SYN3: variants seen among roughly 807,000 people sequenced by gnomAD.
The protein encoded by SYN3 is synapsin-3.
SYN3 carries 35 observed loss-of-function variants against 65.8 expected under a neutral mutation model. That is an observed-to-expected ratio of 0.53 (90% CI 0.41 to 0.70). SYN3 has a LOEUF of 0.70. Ranked by LOEUF, SYN3 falls within the 30% of genes least tolerant of loss-of-function variation. SYN3 has a pLI of 0.00. For synonymous variants in SYN3, 270 were observed against 292.9 expected (o/e 0.92, Z 0.80); for missense variants, 680 against 749.0 (o/e 0.91, Z 1.08).
intron 6 of SYN3, among the ~76,000 whole-genome samples, chr22:32,726,069 T>C (rs1264627658): frequency 7.2e-5 from 11 of 152,182 alleles, no homozygotes; most frequent in Admixed American, 7.2e-4. Flanking sequence ...AGGTGTGCCA[T>C]GTGAGGTCTA....
At chr22:32,649,612 G>A (rs1251757390) in intron 6 of SYN3, among the ~76,000 whole-genome samples, 1 of 152,096 alleles carries the variant, frequency 6.6e-6, no homozygotes, top group Non-Finnish European at 1.5e-5. Flanking sequence ...GTGGGAGGCG[G>A]AACACAACAA....
At chr22:32,526,011 G>C (rs1462680242) in intron 12 of SYN3, among the ~76,000 whole-genome samples, 1 of 152,148 alleles carries the variant, frequency 6.6e-6, no homozygotes, top group East Asian at 1.9e-4. Flanking sequence ...TCAGTATTGA[G>C]GCAAGACCCT....
chr22:33,028,222 C>T (rs1295754304), intron 1 of SYN3, among the ~76,000 whole-genome samples: 1 of 152,214 alleles, frequency 6.6e-6, no homozygotes, highest in African/African-American at 2.4e-5. Context: ...GCTCCAGTCT[C>T]ATCATCAGTG....
At chr22:33,004,449 G>T (rs2053147693) in intron 2 of SYN3, among the ~76,000 whole-genome samples, 1 of 152,246 alleles carries the variant, frequency 6.6e-6, no homozygotes, top group African/African-American at 2.4e-5. Context: ...AGTCAAAGGA[G>T]ATTATTTCAG....
intron 7 of SYN3, among the ~76,000 whole-genome samples, chr22:32,594,873 G>C (rs1359539871): frequency 6.6e-6 from 1 of 152,152 alleles, no homozygotes; most frequent in African/African-American, 2.4e-5. Context: ...ATAGATGTGA[G>C]GTGAAGAATT....
intron 6 of SYN3, among the ~76,000 whole-genome samples, chr22:32,807,338 ATAATATATAAATATATAATATAT>A (rs2046772300): frequency 6.8e-5 from 2 of 29,214 alleles, no homozygotes; most frequent in Non-Finnish European, 1.2e-4. Context: ...TAATTTATAT[ATAATATATAAATATATAATATAT>A]AATATATATT....
At chr22:33,024,653 C>G (rs2053611224) in intron 1 of SYN3, among the ~76,000 whole-genome samples, 1 of 152,178 alleles carries the variant, frequency 6.6e-6, no homozygotes, top group African/African-American at 2.4e-5. Flanking sequence ...AGAGAAAAGT[C>G]TCTCTAGCTA....
At chr22:32,989,315 G>T (rs1051420123) in intron 2 of SYN3, among the ~76,000 whole-genome samples, 3 of 152,190 alleles carry the variant, frequency 2.0e-5, no homozygotes, top group Admixed American at 6.5e-5. Context: ...TTTAACTAAT[G>T]TTCATCTCTT....
At chr22:32,816,004 G>A (rs531859305) in intron 6 of SYN3, among the ~76,000 whole-genome samples, 3 of 152,312 alleles carry the variant, frequency 2.0e-5, no homozygotes, top group African/African-American at 4.8e-5. Context: ...GAACAGGGAG[G>A]TTTTTGACCC....
chr22:32,691,125 C>T (rs1220445210), intron 6 of SYN3, among the ~76,000 whole-genome samples: 1 of 152,214 alleles, frequency 6.6e-6, no homozygotes, highest in Non-Finnish European at 1.5e-5. Context: ...CACTCCTCTT[C>T]ATTCCCCTCC....
intron 6 of SYN3, among the ~76,000 whole-genome samples, chr22:32,832,793 T>C (rs2047615331): frequency 6.6e-6 from 1 of 152,144 alleles, no homozygotes; most frequent in Admixed American, 6.5e-5. Flanking sequence ...AGTGGCATGA[T>C]ACTGGCTTCC....
chr22:32,668,245 G>A (rs2147049852), intron 6 of SYN3, among the ~76,000 whole-genome samples: 1 of 152,328 alleles, frequency 6.6e-6, no homozygotes, highest in East Asian at 1.9e-4. Context: ...TACTTTAAAA[G>A]TAATCAATTG....
intron 4 of SYN3, among the ~76,000 whole-genome samples, chr22:32,916,082 G>A (rs1046803754): frequency 1.3e-5 from 2 of 152,182 alleles, no homozygotes; most frequent in Non-Finnish European, 2.9e-5. Flanking sequence ...GCTACCACAT[G>A]AGAAATCTGA....
chr22:32,712,734 C>T (rs1410909874), intron 6 of SYN3, among the ~76,000 whole-genome samples: 1 of 152,182 alleles, frequency 6.6e-6, no homozygotes, highest in African/African-American at 2.4e-5. Context: ...CCCTTTCTCA[C>T]TCAGCTTCAG....
rs1175497676 is a variant in SYN3 at position 32,578,194 on chromosome 22, CTT to C, written c.774+18478_774+18479del. 2.0e-5 allele frequency among the ~76,000 whole-genome samples: 3 copies of C among 151,358 alleles called. No homozygotes were observed. The East Asian group carries it at 5.8e-4, about 29-fold the overall frequency. ...TTCTTTTCTTTCTTTCTCTTTCTTT[CTT>C]TCTCTCTCTTTCTTTTTCTTTCTTT... On this transcript the variant is annotated intron_variant, in intron 7 of 13. Coordinates refer to ENST00000358763, the MANE Select transcript of SYN3 (RefSeq NM_003490.4).
chr22:32,806,108 G>A (rs1397854067), intron 6 of SYN3, among the ~76,000 whole-genome samples: 1 of 151,864 alleles, frequency 6.6e-6, no homozygotes, highest in African/African-American at 2.4e-5. Context: ...GACATTTCAG[G>A]GCTTCAAGAC....
At chr22:32,972,602 A>G (rs2052053090) in intron 3 of SYN3, among the ~76,000 whole-genome samples, 1 of 152,254 alleles carries the variant, frequency 6.6e-6, no homozygotes, top group African/African-American at 2.4e-5. Flanking sequence ...GGTAGAAAGA[A>G]GGCAGCAACA....
chr22:32,771,436 A>G (rs938818596), intron 6 of SYN3, among the ~76,000 whole-genome samples: 1 of 152,236 alleles, frequency 6.6e-6, no homozygotes, highest in Non-Finnish European at 1.5e-5. Flanking sequence ...TCTGTAACAC[A>G]GCACAGTGGC....
At position 32,518,040 on chromosome 22, in the gene SYN3, T is replaced by C. The variant is rs1373179074; in HGVS notation, c.1610+3A>G. On this transcript the variant is annotated splice_donor_region_variant and intron_variant, in intron 13 of 13. Coordinates refer to ENST00000358763, the MANE Select transcript of SYN3 (RefSeq NM_003490.4). ...TACCTTTTCCAATTCCCAAAGCACT[T>C]ACTTGAGATGCGGATGGGGTGGTGC... 6.6e-7 allele frequency: 1 copy of C among 1,515,596 alleles called. No homozygotes were observed. The highest frequency in any genetic ancestry group is 8.8e-7 in the Non-Finnish European group (1 of 1,134,102). 93.9% of individuals were successfully genotyped at this position (1,515,596 alleles called of 1,614,324 possible).
Sources: gnomAD v4.1 joint callset for allele counts (sites outside exome capture counted in the v4.1 genomes callset) on GRCh38, gnomAD v4.1.1 for gene constraint, MANE v1.5 for transcripts, NCBI Gene and HGNC (gene_info 2026-07-23, HGNC 2026-07-21) for gene names.